Variants in LHX9 observed in about 807,000 individuals in gnomAD.
LHX9 encodes the protein LIM homeobox 9, also known as LIM/homeobox protein Lhx9.
LHX9 carries 9 observed loss-of-function variants against 36.5 expected under a neutral mutation model. The ratio of observed to expected loss-of-function variants is 0.25; its 90% CI spans 0.15 to 0.43. The LOEUF is 0.43. Ranked by LOEUF, LHX9 falls within the 20% of genes least tolerant of loss-of-function variation. The probability of loss-of-function intolerance (pLI) is 1.00; values close to 1 mark genes in which losing one functional copy is unlikely to be tolerated. For missense variants in LHX9, 464 were observed against 526.4 expected, an observed-to-expected ratio of 0.88 and a Z score of 1.16; for synonymous variants, 211 against 212.1, an observed-to-expected ratio of 0.99 and a Z score of 0.04.
At chr1:197,922,212 C>T (rs1660015502) in intron 3 of LHX9, among the ~76,000 whole-genome samples, 1 of 152,174 alleles carries the variant, frequency 6.6e-6, no homozygotes, top group African/African-American at 2.4e-5. Context: ...GGGAATCACT[C>T]TCCACAGCTG....
rs1200586947 is a variant in LHX9, at chr1:197,921,619, G to A, written c.693G>A (p.Lys231=). The A allele has an allele frequency of 6.2e-7, 1 of 1,602,854 alleles. No individual in the cohort carries two copies. The change falls in exon 3 of 5, where the codon AAG becomes AAA. Residue 231 remains lysine (K), a synonymous_variant. Coordinates refer to ENST00000367387, the MANE Select transcript of LHX9 (RefSeq NM_020204.3). This position sits in a 1 kb window ranked among gnomAD's most constrained non-coding sequence, Gnocchi z 4.6. ...TVQKGRPRKR[K]SPALGVDIVN... is the part of the protein sequence containing the mutation. ...AGAAAGGGCGGCCCCGGAAGCGGAA[G>A]AGCCCAGCGCTGGGAGTGGACATCG...
In LHX9 at chr1:197,917,851, G is replaced by A; in HGVS notation, c.28G>A (p.Asp10Asn). Residue 10 changes from aspartate (D) to asparagine (N), a missense_variant, in exon 1 of 5, where the codon GAC (aspartate) becomes AAC (asparagine). Asp to Asn is a conservative substitution (Grantham distance 23, BLOSUM62 1). Coordinates refer to ENST00000367387, the MANE Select transcript of LHX9 (RefSeq NM_020204.3). MEIVGCRAEDNSCPFRPPAM... is the reference protein window; with the variant it reads MEIVGCRAENNSCPFRPPAM... ...GGAAATAGTGGGGTGCCGAGCAGAA[G>A]ACAACTCGTGTCCTTTCCGCCCCCC... 6.2e-7 allele frequency: 1 copy of A among 1,614,234 alleles called. No homozygotes were observed. The highest frequency in any genetic ancestry group is 8.5e-7 in the Non-Finnish European group (1 of 1,180,044).
At chr1:197,923,717 A>G (rs1365224767) in intron 3 of LHX9, among the ~76,000 whole-genome samples, 4 of 152,202 alleles carry the variant, frequency 2.6e-5, no homozygotes, top group Admixed American at 1.3e-4. Context: ...AGCTTTAAGA[A>G]CAGTAGAATT....
In LHX9 at chr1:197,929,163, C is replaced by CA; in HGVS notation, c.1100dup (p.Asn367LysfsTer13). 6.2e-7 allele frequency: 1 copy of CA among 1,613,026 alleles called. No homozygotes were observed. Among genetic ancestry groups the CA allele is most frequent in the South Asian group, 1.1e-5 (1 of 90,958 alleles). On this transcript the variant is annotated frameshift_variant, in exon 5 of 5. Coordinates refer to ENST00000367387, the MANE Select transcript of LHX9 (RefSeq NM_020204.3). LOFTEE classifies it high-confidence loss of function. ...CTGCGACCACTTTAACAGACCTGACCAATCCCACTATCACTGTAGTGACAT... is the reference window on the plus strand; with the variant it reads ...CTGCGACCACTTTAACAGACCTGACCAAATCCCACTATCACTGTAGTGACAT...
At position 197,931,931 on chromosome 1, in the gene LHX9, T is replaced by C; in HGVS notation, c.*2672T>C. On this transcript the variant is annotated 3_prime_UTR_variant, in exon 5 of 5. Coordinates refer to ENST00000367387, the MANE Select transcript of LHX9 (RefSeq NM_020204.3). ...TGATTTTTTTCAGGGAGAACAAATC[T>C]TGGGGCATTACAGCCAAACATCCCG... is the stretch of plus-strand genomic sequence containing the variant. 1 of 1,548,574 alleles carries C rather than the reference T, an allele frequency of 6.5e-7. No homozygotes were observed. The highest frequency in any genetic ancestry group is 8.7e-7 in the Non-Finnish European group (1 of 1,145,518).
rs1660246625 is a variant in LHX9 at position 197,929,171 on chromosome 1, C to T, written c.1106C>T (p.Thr369Ile). ...ATTLTDLTNP[T>I]ITVVTSVTSN... ...ACTTTAACAGACCTGACCAATCCCACTATCACTGTAGTGACATCCGTGACC... is the reference window on the plus strand; with the variant it reads ...ACTTTAACAGACCTGACCAATCCCATTATCACTGTAGTGACATCCGTGACC... Residue 369 changes from threonine to isoleucine, a missense_variant, in exon 5 of 5, where the codon ACT becomes ATT. Around this residue, in one of 5 missense-constraint regions of LHX9, gnomAD observed 102 missense variants for 97.0 expected, o/e 1.05. Coordinates refer to ENST00000367387, the MANE Select transcript of LHX9 (RefSeq NM_020204.3). 6.2e-7 allele frequency: 1 copy of T among 1,612,354 alleles called. No individual in the cohort carries two copies. The highest frequency in any genetic ancestry group is 8.5e-7 in the Non-Finnish European group (1 of 1,179,552).
At position 197,932,127 on chromosome 1, in the gene LHX9, G is replaced by A. The variant is rs376436034; in HGVS notation, c.*2868G>A. Reference sequence around the variant, plus strand: ...TAAATGTCATTTACTGAATGTTAACGAAACTTGTGTTCTTTATGGTGTCTA... The same window carrying A: ...TAAATGTCATTTACTGAATGTTAACAAAACTTGTGTTCTTTATGGTGTCTA... On this transcript the variant is annotated 3_prime_UTR_variant, in exon 5 of 5. Transcript: ENST00000367387. 105 of 575,438 alleles carry A rather than the reference G, an allele frequency of 1.8e-4. No individual in the cohort carries two copies. Among genetic ancestry groups the A allele is most frequent in the African/African-American group, 1.6e-3 (87 of 53,620 alleles). 35.6% of individuals were successfully genotyped at this position (575,438 alleles called of 1,614,324 possible).
chr1:197,919,254 G>A (rs2102593396), intron 1 of LHX9, among the ~76,000 whole-genome samples: 3 of 152,328 alleles, frequency 2.0e-5, no homozygotes, highest in Middle Eastern at 3.4e-3. Context: ...CATAACTTGG[G>A]CACTAAACAG....
intron 2 of LHX9, among the ~76,000 whole-genome samples, chr1:197,920,669 G>A (rs555001961): frequency 6.6e-6 from 1 of 152,228 alleles, no homozygotes; most frequent in Non-Finnish European, 1.5e-5. Context: ...ACTCAGTTCC[G>A]GGTTCCTTTT....
upstream of LHX9, chr1:197,916,088 G>A (rs1351598482): frequency 1.3e-5 from 2 of 152,466 alleles, no homozygotes; most frequent in African/African-American, 4.8e-5. Flanking sequence ...GGAACAGAGA[G>A]CGGCCGGCGC....
In LHX9 at chr1:197,929,294, C is replaced by G. The variant is rs373458786; in HGVS notation, c.*35C>G. 2.9e-5 allele frequency: 37 copies of G among 1,292,960 alleles called. No individual in the cohort carries two copies. The highest frequency in any genetic ancestry group is 3.5e-5 in the Non-Finnish European group (35 of 1,002,766). 80.1% of individuals were successfully genotyped at this position (1,292,960 alleles called of 1,614,324 possible). A position where few individuals can be genotyped will look rare whatever the true frequency, so the allele number is the denominator to read the frequency against. On this transcript the variant is annotated 3_prime_UTR_variant, in exon 5 of 5. Transcript: ENST00000367387. ...TTTTTTTTTAGTTTTTAAATTCTTC[C>G]TCTTCTTTTTATTATTATTCTAATT... is the stretch of plus-strand genomic sequence containing the variant.
At position 197,917,670 on chromosome 1, in the gene LHX9, C is replaced by T. The variant is rs1367437800; in HGVS notation, c.-154C>T. 7.7e-6 allele frequency: 12 copies of T among 1,554,014 alleles called. 1 individual carries two copies. The Admixed American group carries it at 1.3e-4, about 17-fold the overall frequency. ...GTTCTTTTTGCTTCCCCTCGGCCCC[C>T]CAAGCAGACCGATTTCCACTCCATC... On this transcript the variant is annotated 5_prime_UTR_variant, in exon 1 of 5. Transcript: ENST00000367387.
rs1041922417 is a variant in LHX9 at position 197,918,538 on chromosome 1, C to G, written c.174+541C>G. On this transcript the variant is annotated intron_variant, in intron 1 of 4. Coordinates refer to ENST00000367387, the MANE Select transcript of LHX9 (RefSeq NM_020204.3). ...CCTAACCGAGAGAATCTCAGGGTTT[C>G]TGGCATCCCGACTCAGTCCCTCTAA... 5.7e-5 allele frequency: 35 copies of G among 609,122 alleles called. No individual in the cohort carries two copies. In the Admixed American group the frequency reaches 9.1e-4, roughly 16 times the overall value. The allele number at this position is 609,122 out of a possible 1,614,324, so 37.7% of individuals were successfully genotyped here.
At chr1:197,926,201 A>T (rs1660136365) in intron 3 of LHX9, among the ~76,000 whole-genome samples, 1 of 152,246 alleles carries the variant, frequency 6.6e-6, no homozygotes, top group South Asian at 2.1e-4. Context: ...AGAGCCTAGC[A>T]GGCAGATAAC....
At chr1:197,919,940 C>T (rs768407614) in intron 1 of LHX9, 32 bp from the exon 2 acceptor site, 1 of 1,608,982 alleles carries the variant, frequency 6.2e-7, no homozygotes, top group Non-Finnish European at 8.5e-7. Context: ...ACCGCGCGCC[C>T]TCCTCAGCCT....
At chr1:197,916,888 G>T (rs1659775396), upstream of LHX9, 1 of 651,854 alleles carries the variant, frequency 1.5e-6, no homozygotes, top group Admixed American at 2.3e-5. Flanking sequence ...ATGCATTTCG[G>T]GTGACAGTCC....
rs1015770795 is a variant in LHX9 at position 197,929,536 on chromosome 1, T to C, written c.*277T>C. 2 of 950,766 alleles carry C rather than the reference T, an allele frequency of 2.1e-6. No individual in the cohort carries two copies. The highest frequency in any genetic ancestry group is 3.5e-5 in the African/African-American group (2 of 56,682). 58.9% of individuals were successfully genotyped at this position (950,766 alleles called of 1,614,324 possible). ...GTTGGTAAGGAGAGTTTTTGAATAA[T>C]TCTAATAAGTGCCTCTTAAAATTGT... On this transcript the variant is annotated 3_prime_UTR_variant, in exon 5 of 5. Transcript: ENST00000367387.
rs753585521 is a variant in LHX9 at position 197,929,262 on chromosome 1, T to C, written c.*3T>C. ...CTACCTTAACAAACCTTTTCTAACATTGGTTTTTTTTTTTTAGTTTTTAAA... is the reference window on the plus strand; with the variant it reads ...CTACCTTAACAAACCTTTTCTAACACTGGTTTTTTTTTTTTAGTTTTTAAA... On this transcript the variant is annotated 3_prime_UTR_variant, in exon 5 of 5. Coordinates refer to ENST00000367387, the MANE Select transcript of LHX9 (RefSeq NM_020204.3). 15 of 1,373,102 alleles carry C rather than the reference T, an allele frequency of 1.1e-5. No homozygotes were observed. The highest frequency in any genetic ancestry group is 1.9e-4 in the Middle Eastern group (1 of 5,160). 85.1% of individuals were successfully genotyped at this position (1,373,102 alleles called of 1,614,324 possible).
rs1382334438 is a variant in LHX9, at chr1:197,930,686, A to G, written c.*1427A>G. 1 of 152,036 alleles carries G rather than the reference A, an allele frequency of 6.6e-6. No homozygotes were observed. Among genetic ancestry groups the G allele is most frequent in the African/African-American group, 2.4e-5 (1 of 41,464 alleles). The allele number at this position is 152,036 out of a possible 1,614,324, so 9.4% of individuals were successfully genotyped here. On this transcript the variant is annotated 3_prime_UTR_variant, in exon 5 of 5. Coordinates refer to ENST00000367387, the MANE Select transcript of LHX9 (RefSeq NM_020204.3). ...TGGCTGTATAAATGTGTGGTTACAT[A>G]TTGACAGTTCACTGCCCACATTAAA... is the stretch of plus-strand genomic sequence containing the variant.
Sources: gnomAD v4.1 joint callset for allele counts (sites outside exome capture counted in the v4.1 genomes callset) on GRCh38, gnomAD v4.1.1 for gene constraint, gnomAD v4.1.1 regional missense constraint, Gnocchi (gnomAD v3.1) non-coding constraint, MANE v1.5 for transcripts, NCBI Gene and HGNC (gene_info 2026-07-23, HGNC 2026-07-21) for gene names.